The following RBFOX1 variants were observed in gnomAD, a reference collection of about 807,000 sequenced individuals.
RBFOX1 encodes the protein RNA binding fox-1 homolog 1, also known as RNA binding protein fox-1 homolog 1.
A neutral mutation model predicts 57.7 loss-of-function variants in RBFOX1; 8 were observed. The observed-to-expected ratio is 0.14, with a 90% CI of 0.08 to 0.25. The LOEUF is 0.25. RBFOX1 is among the 10% of genes least tolerant of loss of function. RBFOX1 has a pLI of 1.00. For synonymous variants in RBFOX1, 326 were observed against 222.4 expected (o/e 1.47, Z -4.15); for missense variants, 611 against 548.5 (o/e 1.11, Z -1.14).
intron 2 of RBFOX1, among the ~76,000 whole-genome samples, chr16:6,480,447 A>T (rs988619189): frequency 6.6e-6 from 1 of 152,232 alleles, no homozygotes; most frequent in Non-Finnish European, 1.5e-5. Flanking sequence ...AACCTCATTC[A>T]TGGATGCTGA....
rs551060998 is a variant in RBFOX1 at position 6,637,195 on chromosome 16, T to C, written c.-63-17408T>C. Reference sequence around the variant, plus strand: ...TATATATTATATAATATACAATATATATTATATATTATATATATTATATAA... The same window carrying C: ...TATATATTATATAATATACAATATACATTATATATTATATATATTATATAA... On this transcript the variant is annotated intron_variant, in intron 2 of 15. Transcript: ENST00000550418. Among the ~76,000 whole-genome samples the C allele has an allele frequency of 5.9e-4, 43 of 72,538 alleles. 3 individuals are homozygous for C. The East Asian group carries it at 0.014, about 24-fold the overall frequency. The allele number at this position is 72,538 out of a possible 152,430, so 47.6% of individuals were successfully genotyped here. A position where few individuals can be genotyped will look rare whatever the true frequency, so the allele number is the denominator to read the frequency against.
At chr16:6,857,182 C>A (rs959509715) in intron 3 of RBFOX1, among the ~76,000 whole-genome samples, 11 of 152,134 alleles carry the variant, frequency 7.2e-5, no homozygotes, top group Non-Finnish European at 1.6e-4. Context: ...TTTCAGGTTC[C>A]TGCTGATTTG....
upstream of RBFOX1, among the ~76,000 whole-genome samples, chr16:6,016,647 T>C (rs2094995545): frequency 6.6e-6 from 1 of 152,218 alleles, no homozygotes; most frequent in Non-Finnish European, 1.5e-5. Context: ...TGACATTTGC[T>C]TAGATCACAA....
intron 10 of RBFOX1, among the ~76,000 whole-genome samples, chr16:7,615,762 C>A (rs553413729): frequency 4.5e-4 from 68 of 152,226 alleles, no homozygotes; most frequent in African/African-American, 1.6e-3. Flanking sequence ...CTGCTGACAT[C>A]TAGTGGGTGG....
intron 2 of RBFOX1, among the ~76,000 whole-genome samples, chr16:6,598,175 C>T (rs144879111): frequency 1.1e-3 from 173 of 152,330 alleles, no homozygotes; most frequent in African/African-American, 3.9e-3. Flanking sequence ...ATATGCAGAA[C>T]ATGCATTCAT....
intron 4 of RBFOX1, among the ~76,000 whole-genome samples, chr16:7,382,432 A>T (rs1250093269): frequency 6.6e-6 from 1 of 152,228 alleles, no homozygotes; most frequent in African/African-American, 2.4e-5. Flanking sequence ...ATGACTAATT[A>T]TTAAACATGA....
rs542663464 is a variant in RBFOX1, at chr16:6,637,669, G to A, written c.-63-16934G>A. On this transcript the variant is annotated intron_variant, in intron 2 of 15. Transcript: ENST00000550418. ...TCCCCAGATAACTGGTGGTGAATTG[G>A]GAGCCAGATGATGAAGTGGCAGCAG... Among the ~76,000 whole-genome samples the A allele has an allele frequency of 4.7e-5, 7 of 149,866 alleles. No individual in the cohort carries two copies. In the South Asian group the frequency reaches 1.5e-3, roughly 32 times the overall value.
intron 2 of RBFOX1, among the ~76,000 whole-genome samples, chr16:6,621,320 C>G (rs1250410353): frequency 2.0e-5 from 3 of 152,068 alleles, no homozygotes; most frequent in South Asian, 4.2e-4. Context: ...AAAAATTAGC[C>G]AGGTGTGGTG....
chr16:5,268,468 C>G (rs540183932), intron 1 of RBFOX1, among the ~76,000 whole-genome samples: 5 of 152,200 alleles, frequency 3.3e-5, no homozygotes, highest in Non-Finnish European at 5.9e-5. Context: ...CTAGTACAGT[C>G]AAGATTATAC....
chr16:5,664,043 G>C (rs763772098), intron 3 of RBFOX1, among the ~76,000 whole-genome samples: 5 of 152,184 alleles, frequency 3.3e-5, no homozygotes, highest in Admixed American at 3.3e-4. Context: ...GACAGACAGA[G>C]AGAGCACACT....
intron 1 of RBFOX1, among the ~76,000 whole-genome samples, chr16:6,197,565 G>A (rs370338838): frequency 7.4e-5 from 11 of 148,456 alleles, no homozygotes; most frequent in Admixed American, 2.7e-4. Context: ...TCTGTTTCCC[G>A]CAAAGACAAA....
intron 1 of RBFOX1, among the ~76,000 whole-genome samples, chr16:6,107,626 T>C (rs2096397173): frequency 6.6e-6 from 1 of 151,422 alleles, no homozygotes; most frequent in East Asian, 1.9e-4. Context: ...CATAGATGAA[T>C]GGGTGAATGA....
chr16:6,248,600 A>G (rs951049355), intron 1 of RBFOX1, among the ~76,000 whole-genome samples: 8 of 152,176 alleles, frequency 5.3e-5, no homozygotes, highest in Admixed American at 3.3e-4. Flanking sequence ...TTACCAAACA[A>G]ACTTCCTCCA....
At chr16:7,130,416 C>A (rs1359640660) in intron 4 of RBFOX1, among the ~76,000 whole-genome samples, 1 of 152,138 alleles carries the variant, frequency 6.6e-6, no homozygotes, top group Non-Finnish European at 1.5e-5. Context: ...AGCGTATTCA[C>A]ATTATTACAC....
chr16:6,740,586 T>C (rs1246379964), intron 3 of RBFOX1, among the ~76,000 whole-genome samples: 2 of 152,198 alleles, frequency 1.3e-5, no homozygotes, highest in Non-Finnish European at 2.9e-5. Flanking sequence ...GTTTCTAAAT[T>C]TCTTACAGTA....
At chr16:5,796,635 C>T (rs576123794) in intron 3 of RBFOX1, among the ~76,000 whole-genome samples, 9 of 152,282 alleles carry the variant, frequency 5.9e-5, no homozygotes, top group Non-Finnish European at 8.8e-5. Flanking sequence ...GCTCCACTTA[C>T]GGTGCTGACT....
chr16:6,761,695 C>T (rs909337420), intron 3 of RBFOX1, among the ~76,000 whole-genome samples: 1 of 151,328 alleles, frequency 6.6e-6, no homozygotes, highest in African/African-American at 2.4e-5. Context: ...TTAGTAGAGA[C>T]GAGGTTTCAC....
At chr16:7,425,528 A>C (rs2098602076) in intron 4 of RBFOX1, among the ~76,000 whole-genome samples, 1 of 152,142 alleles carries the variant, frequency 6.6e-6, no homozygotes, top group Non-Finnish European at 1.5e-5. Flanking sequence ...TTTAAATATC[A>C]CCTTATTTCT....
chr16:6,337,700 C>T (rs1248297086), intron 2 of RBFOX1, among the ~76,000 whole-genome samples: 1 of 152,138 alleles, frequency 6.6e-6, no homozygotes, highest in Non-Finnish European at 1.5e-5. Context: ...TAGGTAATCA[C>T]TTGGCAAAAC....
Sources: gnomAD v4.1 joint callset for allele counts (sites outside exome capture counted in the v4.1 genomes callset) on GRCh38, gnomAD v4.1.1 for gene constraint, MANE v1.5 for transcripts, NCBI Gene and HGNC (gene_info 2026-07-23, HGNC 2026-07-21) for gene names.